The following CAMKMT variants were observed in gnomAD, a reference collection of about 807,000 sequenced individuals.
CAMKMT encodes the protein CaM KMT.
Under a neutral mutation model 48.0 loss-of-function variants are expected in CAMKMT, and 53 were observed. The observed-to-expected ratio is 1.10, with a 90% CI of 0.89 to 1.39. The LOEUF (loss-of-function observed/expected upper bound fraction) is 1.39. Ranked by LOEUF, CAMKMT falls within the 40% of genes most tolerant of loss-of-function variation. The probability of loss-of-function intolerance (pLI) is 0.00; values close to 1 mark genes in which losing one functional copy is unlikely to be tolerated. For synonymous variants in CAMKMT, 165 were observed against 152.3 expected, an observed-to-expected ratio of 1.08 and a Z score of -0.61; for missense variants, 428 against 402.7, an observed-to-expected ratio of 1.06 and a Z score of -0.54.
chr2:44,611,500 A>G (rs1217219366), intron 3 of CAMKMT, among the ~76,000 whole-genome samples: 3 of 152,032 alleles, frequency 2.0e-5, no homozygotes, highest in Non-Finnish European at 2.9e-5. Context: ...TTTTGACTAC[A>G]ATTAATAGTG....
intron 3 of CAMKMT, among the ~76,000 whole-genome samples, chr2:44,445,645 GTTTTTTTTTTTTTT>G (rs869258613): frequency 9.9e-5 from 10 of 101,404 alleles, no homozygotes; most frequent in East Asian, 8.5e-4. Context: ...CAAAAGGGTA[GTTTTTTTTTTTTTT>G]TTTTTTTTTT....
chr2:44,666,241 G>C (rs1254857949), intron 3 of CAMKMT, among the ~76,000 whole-genome samples: 2 of 152,172 alleles, frequency 1.3e-5, no homozygotes, highest in African/African-American at 2.4e-5. Flanking sequence ...TAGTGGTTCT[G>C]AGCAAAATTT....
At chr2:44,606,816 C>A (rs375198239) in intron 3 of CAMKMT, among the ~76,000 whole-genome samples, 75 of 151,540 alleles carry the variant, frequency 4.9e-4, no homozygotes, top group Admixed American at 1.2e-3. Context: ...TGACCCCCCC[C>A]CCACCAAGAT....
chr2:44,429,407 A>T (rs1456210122), intron 3 of CAMKMT, among the ~76,000 whole-genome samples: 2 of 152,114 alleles, frequency 1.3e-5, no homozygotes, highest in African/African-American at 4.8e-5. Flanking sequence ...TCAATCTGAA[A>T]TAGCCCTAGC....
intron 3 of CAMKMT, among the ~76,000 whole-genome samples, chr2:44,694,225 A>G (rs1676813970): frequency 6.6e-6 from 1 of 152,230 alleles, no homozygotes; most frequent in Non-Finnish European, 1.5e-5. Flanking sequence ...CTCAGTCTTC[A>G]GGTTAATCAT....
intron 3 of CAMKMT, among the ~76,000 whole-genome samples, chr2:44,614,935 G>GCTTTT: frequency 3.0e-5 from 1 of 33,880 alleles, no homozygotes; most frequent in Non-Finnish European, 6.2e-5. Context: ...TGGTCTCCTT[G>GCTTTT]CTTTTTTTTT....
At chr2:44,422,381 C>G (rs1184155321) in intron 3 of CAMKMT, among the ~76,000 whole-genome samples, 1 of 152,134 alleles carries the variant, frequency 6.6e-6, no homozygotes, top group Non-Finnish European at 1.5e-5. Context: ...TGTTGACTAA[C>G]TTATGTAGAA....
chr2:44,614,721 C>T lies in CAMKMT; in HGVS notation c.377-89562C>T, dbSNP rs1317791306. ...AGACATTTGAATAAAATGCTGAAAGCCACAAAGAGGTAGCAAGTCCTGTGA... is the reference window on the plus strand; with the variant it reads ...AGACATTTGAATAAAATGCTGAAAGTCACAAAGAGGTAGCAAGTCCTGTGA... On this transcript the variant is annotated intron_variant, in intron 3 of 10. Coordinates refer to ENST00000378494, the MANE Select transcript of CAMKMT (RefSeq NM_024766.5). 3.3e-5 allele frequency among the ~76,000 whole-genome samples: 5 copies of T among 151,964 alleles called. No homozygotes were observed. In the East Asian group the frequency reaches 9.6e-4, roughly 29 times the overall value.
In CAMKMT at chr2:44,555,840, G is replaced by T. The variant is rs530662824; in HGVS notation, c.377-148443G>T. Among the ~76,000 whole-genome samples, 5 of 152,200 alleles carry T rather than the reference G, an allele frequency of 3.3e-5. No individual in the cohort carries two copies. The East Asian group carries it at 7.8e-4, about 24-fold the overall frequency. Reference sequence around the variant, plus strand: ...GTGGCCAACCATGTCAAATCCTGCAGAGCTTTTGGTTAGGATGGGGACAGA... The same window carrying T: ...GTGGCCAACCATGTCAAATCCTGCATAGCTTTTGGTTAGGATGGGGACAGA... On this transcript the variant is annotated intron_variant, in intron 3 of 10. Transcript: ENST00000378494.
At chr2:44,441,959 A>T (rs1666692168) in intron 3 of CAMKMT, among the ~76,000 whole-genome samples, 2 of 152,154 alleles carry the variant, frequency 1.3e-5, no homozygotes, top group African/African-American at 2.4e-5. Flanking sequence ...GTATGCAGCT[A>T]TATACAAGGC....
At chr2:44,379,814 T>G (rs1486697483) in intron 2 of CAMKMT, among the ~76,000 whole-genome samples, 1 of 152,058 alleles carries the variant, frequency 6.6e-6, no homozygotes, top group Non-Finnish European at 1.5e-5. Flanking sequence ...CCTGTCTTTG[T>G]GTTTTTAATT....
chr2:44,455,573 A>G lies in CAMKMT; in HGVS notation c.376+65268A>G, dbSNP rs149217257. 1.1e-3 allele frequency among the ~76,000 whole-genome samples: 168 copies of G among 152,298 alleles called. 1 individual carries two copies. Among genetic ancestry groups the G allele is most frequent in the African/African-American group, 3.8e-3 (157 of 41,568 alleles). ...GAAAAATTCTTAAACTAGTGTCTTG[A>G]GAGTCAAAATTGTTTGCTGGTTAAG... On this transcript the variant is annotated intron_variant, in intron 3 of 10. Coordinates refer to ENST00000378494, the MANE Select transcript of CAMKMT (RefSeq NM_024766.5).
chr2:44,575,781 T>G (rs1352670180), intron 3 of CAMKMT, among the ~76,000 whole-genome samples: 1 of 150,534 alleles, frequency 6.6e-6, no homozygotes, highest in Non-Finnish European at 1.5e-5. Flanking sequence ...TGCTTGAGCT[T>G]CGGAGGTCAA....
intron 9 of CAMKMT, 38 bp downstream of exon 9, chr2:44,754,156 A>C (rs754283351): frequency 1.4e-6 from 2 of 1,458,110 alleles, no homozygotes; most frequent in East Asian, 4.5e-5. Flanking sequence ...CACTGGCTAC[A>C]GAATAATTAG....
chr2:44,509,694 A>G (rs1217370393), intron 3 of CAMKMT, among the ~76,000 whole-genome samples: 1 of 152,214 alleles, frequency 6.6e-6, no homozygotes, highest in Non-Finnish European at 1.5e-5. Flanking sequence ...GGTGGTTAAG[A>G]GGGATTAATG....
At chr2:44,644,582 A>C (rs1015741289) in intron 3 of CAMKMT, among the ~76,000 whole-genome samples, 7 of 152,248 alleles carry the variant, frequency 4.6e-5, no homozygotes, top group African/African-American at 1.7e-4. Context: ...GTATGTGAAC[A>C]ACAAGGCTGA....
At chr2:44,519,163 G>T (rs1670976459) in intron 3 of CAMKMT, among the ~76,000 whole-genome samples, 1 of 152,174 alleles carries the variant, frequency 6.6e-6, no homozygotes, top group South Asian at 2.1e-4. Flanking sequence ...TGCTAGCAAA[G>T]TTGAAATTGC....
chr2:44,410,116 G>T (rs1456800753), intron 3 of CAMKMT, among the ~76,000 whole-genome samples: 1 of 148,684 alleles, frequency 6.7e-6, no homozygotes, highest in Non-Finnish European at 1.5e-5. Flanking sequence ...AACTGGTAGG[G>T]GGTATTTTTC....
intron 8 of CAMKMT, among the ~76,000 whole-genome samples, chr2:44,749,497 G>A (rs371298718): frequency 6.6e-6 from 1 of 152,350 alleles, no homozygotes; most frequent in East Asian, 1.9e-4. Context: ...AATGAAGACA[G>A]AATGGAAGCT....
Sources: gnomAD v4.1 joint callset for allele counts (sites outside exome capture counted in the v4.1 genomes callset) on GRCh38, gnomAD v4.1.1 for gene constraint, MANE v1.5 for transcripts, NCBI Gene and HGNC (gene_info 2026-07-23, HGNC 2026-07-21) for gene names.